RBMX2: variants seen among roughly 807,000 people sequenced by gnomAD.
RBMX2 encodes the protein RNA-binding motif protein, X-linked 2.
For synonymous variants in RBMX2, 77 were observed against 94.3 expected, an observed-to-expected ratio of 0.82 and a Z score of 1.07; for missense variants, 191 against 256.0, an observed-to-expected ratio of 0.75 and a Z score of 1.73.
chrX:130,409,575 G>A lies in RBMX2; in HGVS notation c.303+189G>A, dbSNP rs756558557. Reference sequence around the variant, plus strand: ...AATTCTGTTGGCTCATGGTCCTGCAGGACTTGCTTCTTTTCCCCATCTGTT... The same window carrying A: ...AATTCTGTTGGCTCATGGTCCTGCAAGACTTGCTTCTTTTCCCCATCTGTT... On this transcript the variant is annotated intron_variant, in intron 4 of 5. Transcript: ENST00000305536. Among the ~76,000 whole-genome samples, 8 of 111,852 alleles carry A rather than the reference G, an allele frequency of 7.2e-5. No individual in the cohort carries two copies. The Admixed American group carries it at 7.5e-4, about 11-fold the overall frequency.
chrX:130,404,984 T>C, intron 3 of RBMX2, among the ~76,000 whole-genome samples: 1 of 112,670 alleles, frequency 8.9e-6, no homozygotes, highest in Non-Finnish European at 1.9e-5. Context: ...TGAGCTAACG[T>C]GTGCATGTTT....
chrX:130,407,665 CTTTTTTTT>C (rs1019718080), intron 3 of RBMX2, among the ~76,000 whole-genome samples: 1 of 100,126 alleles, frequency 1.0e-5, no homozygotes, highest in African/African-American at 3.6e-5. Flanking sequence ...AATGTTTTTT[CTTTTTTTT>C]TTTTTGAAAC....
chrX:130,403,209 A>G (rs1201038575), intron 2 of RBMX2, among the ~76,000 whole-genome samples: 2 of 112,242 alleles, frequency 1.8e-5, no homozygotes, highest in East Asian at 2.8e-4. Context: ...GATGGAAACT[A>G]TCTGCTTTGT....
At chrX:130,405,571 T>G (rs1189936137) in intron 3 of RBMX2, among the ~76,000 whole-genome samples, 3 of 111,116 alleles carry the variant, frequency 2.7e-5, no homozygotes, top group Admixed American at 1.9e-4. Context: ...TTTCCAATGG[T>G]TTGCTATTAT....
rs377581464 is a variant in RBMX2, at chrX:130,403,841, G to A, written c.161G>A (p.Cys54Tyr). The A allele has an allele frequency of 8.3e-7, 1 of 1,208,601 alleles. No individual in the cohort carries two copies. Among genetic ancestry groups the A allele is most frequent in the Non-Finnish European group, 1.1e-6 (1 of 893,217 alleles). The change falls in exon 3 of 6, where the codon TGT (cysteine) becomes TAT (tyrosine). Residue 54 changes from cysteine to tyrosine, a missense_variant. Transcript: ENST00000305536. ...GAACTGACTGAAGGGGACATCATCT[G>A]TGTGTTCTCACAGTAAGTGTCCTTT... ...PYELTEGDII[C>Y]VFSQYGEIVN...
At chrX:130,403,192 G>C (rs898831257) in intron 2 of RBMX2, among the ~76,000 whole-genome samples, 1 of 112,127 alleles carries the variant, frequency 8.9e-6, no homozygotes, top group Non-Finnish European at 1.9e-5. Context: ...TGGAAGCAGA[G>C]GTTTGTGATG....
intron 3 of RBMX2, 183 bp downstream of exon 3, chrX:130,404,036 G>C: frequency 2.3e-6 from 1 of 431,839 alleles, no homozygotes; most frequent in South Asian, 4.6e-5. Flanking sequence ...TTCTGTGGGA[G>C]ATCCAAGAGG....
At chrX:130,407,860 G>A (rs765090254) in intron 3 of RBMX2, among the ~76,000 whole-genome samples, 1 of 110,558 alleles carries the variant, frequency 9.0e-6, no homozygotes, top group Admixed American at 9.6e-5. Flanking sequence ...GGGTCTGGCC[G>A]TATTGTCCAG....
At chrX:130,402,147 G>T in intron 1 of RBMX2, 108 bp from the exon 2 acceptor site, 1 of 1,161,751 alleles carries the variant, frequency 8.6e-7, no homozygotes, top group Non-Finnish European at 1.2e-6. Flanking sequence ...GCGGCGCGGG[G>T]ACTGGAACAG....
chrX:130,405,445 CATT>C (rs1220044610), intron 3 of RBMX2, among the ~76,000 whole-genome samples: 2 of 111,072 alleles, frequency 1.8e-5, no homozygotes, highest in Admixed American at 9.6e-5. Flanking sequence ...AATACATAGT[CATT>C]ATAGAACATT....
chrX:130,409,085 T>G (rs762516913), intron 3 of RBMX2, among the ~76,000 whole-genome samples, 172 bp from the exon 4 acceptor site: 1 of 112,298 alleles, frequency 8.9e-6, no homozygotes, highest in African/African-American at 3.2e-5. Flanking sequence ...ACCCATTTTT[T>G]AATTGGGGGT....
intron 5 of RBMX2, among the ~76,000 whole-genome samples, chrX:130,412,089 A>ATT (rs750449865): frequency 2.1e-5 from 2 of 96,423 alleles, no homozygotes; most frequent in Admixed American, 1.1e-4. Context: ...CACCCGGCTA[A>ATT]TTTTTTTTTT....
At chrX:130,402,225 A>AACCC in intron 1 of RBMX2, 30 bp from the exon 2 acceptor site, 32 of 984,529 alleles carry the variant, frequency 3.3e-5, no homozygotes, top group Non-Finnish European at 4.1e-5. Flanking sequence ...TTTTCTGCCT[A>AACCC]CCCTCCCCAC....
At chrX:130,403,927 C>G (rs1284455276) in intron 3 of RBMX2, 74 bp downstream of exon 3, 2 of 1,036,852 alleles carry the variant, frequency 1.9e-6, no homozygotes, top group African/African-American at 3.7e-5. Context: ...TGTGGCATCA[C>G]AAAAACCACT....
chrX:130,405,849 T>C (rs1311777446), intron 3 of RBMX2, among the ~76,000 whole-genome samples: 7 of 32,511 alleles, frequency 2.2e-4, no homozygotes, highest in African/African-American at 7.9e-4. Flanking sequence ...TTTTTTTTTT[T>C]TTTTTTTTTT....
At position 130,412,695 on chromosome X, in the gene RBMX2, C is replaced by G. The variant is rs2034520628; in HGVS notation, c.816C>G (p.Ser272Arg). 1 of 1,210,678 alleles carries G rather than the reference C, an allele frequency of 8.3e-7. No homozygotes were observed. The highest frequency in any genetic ancestry group is 3.0e-5 in the East Asian group (1 of 33,742). ...EKTRIRDRGR[S>R]SDAHSSWYNG... ...CCAGGATTAGGGACAGAGGGCGGAG[C>G]TCAGATGCACATTCTAGCTGGTATA... Residue 272 changes from serine (S) to arginine (R), a missense_variant, in exon 6 of 6, where the codon AGC (serine) becomes AGG (arginine). Physicochemically the swap from Ser to Arg is moderately radical, Grantham distance 110. Transcript: ENST00000305536.
chrX:130,403,744 G>C, intron 2 of RBMX2, 58 bp from the exon 3 acceptor site: 3 of 1,076,771 alleles, frequency 2.8e-6, no homozygotes, highest in Non-Finnish European at 3.9e-6. Flanking sequence ...CTAGTGCGTG[G>C]TATGTAGTAA....
Position 130,412,802 on chromosome X carries a change from C to G in RBMX2, c.923C>G (p.Ser308Cys). The change falls in exon 6 of 6, where the codon TCC becomes TGC. Residue 308 changes from serine to cysteine, a missense_variant. Transcript: ENST00000305536. ...KSHRHKRARR[S>C]RERESSNPSD... ...CATAGGCATAAAAGGGCCCGACGCTCCCGGGAGCGGGAGTCTTCGAATCCC... is the reference window on the plus strand; with the variant it reads ...CATAGGCATAAAAGGGCCCGACGCTGCCGGGAGCGGGAGTCTTCGAATCCC... 2 of 1,210,838 alleles carry G rather than the reference C, an allele frequency of 1.7e-6. No homozygotes were observed. Among genetic ancestry groups the G allele is most frequent in the Non-Finnish European group, 2.2e-6 (2 of 895,391 alleles).
intron 3 of RBMX2, among the ~76,000 whole-genome samples, chrX:130,406,502 C>T (rs1448957995): frequency 9.1e-6 from 1 of 109,358 alleles, no homozygotes; most frequent in Admixed American, 9.8e-5. Flanking sequence ...GGTGAAACCC[C>T]ATCTCTACTA....
Sources: gnomAD v4.1 joint callset for allele counts (sites outside exome capture counted in the v4.1 genomes callset) on GRCh38, gnomAD v4.1.1 for gene constraint, MANE v1.5 for transcripts, NCBI Gene and HGNC (gene_info 2026-07-23, HGNC 2026-07-21) for gene names.